SPOCK3: variants seen among roughly 807,000 people sequenced by gnomAD.
The protein encoded by SPOCK3 is SPARC (osteonectin), cwcv and kazal like domains proteoglycan 3.
Under a neutral mutation model 56.6 loss-of-function variants are expected in SPOCK3, and 30 were observed. That is an observed-to-expected ratio of 0.53 (90% CI 0.40 to 0.72). The LOEUF is 0.72. Among genes scored for constraint, SPOCK3 ranks in the 30% least tolerant of loss-of-function variants. The pLI is 0.00. For synonymous variants in SPOCK3, 196 were observed against 183.3 expected (o/e 1.07, Z -0.56); for missense variants, 527 against 530.0 (o/e 0.99, Z 0.06).
At chr4:167,107,215 G>A (rs1760242057) in intron 2 of SPOCK3, among the ~76,000 whole-genome samples, 1 of 151,784 alleles carries the variant, frequency 6.6e-6, no homozygotes, top group African/African-American at 2.4e-5. Flanking sequence ...AAAACTACAA[G>A]CCAATATTCC....
chr4:166,918,032 T>C (rs1267065432), intron 4 of SPOCK3, among the ~76,000 whole-genome samples: 1 of 152,204 alleles, frequency 6.6e-6, no homozygotes, highest in Non-Finnish European at 1.5e-5. Flanking sequence ...AATCATTTGC[T>C]TTTTAAAATT....
At chr4:166,957,754 G>A (rs578121065) in intron 4 of SPOCK3, among the ~76,000 whole-genome samples, 1 of 152,230 alleles carries the variant, frequency 6.6e-6, no homozygotes, top group South Asian at 2.1e-4. Flanking sequence ...ACTTGCATGG[G>A]GCCTACAGTC....
intron 2 of SPOCK3, among the ~76,000 whole-genome samples, chr4:167,116,413 G>GTA (rs201984574): frequency 1.4e-4 from 19 of 140,642 alleles, no homozygotes; most frequent in South Asian, 2.2e-4. Flanking sequence ...ATACACAAAA[G>GTA]TATATATATA....
chr4:167,217,298 G>T (rs1735455956), intron 2 of SPOCK3, among the ~76,000 whole-genome samples: 1 of 151,854 alleles, frequency 6.6e-6, no homozygotes, highest in South Asian at 2.1e-4. Context: ...ACCACAGGCT[G>T]AAAATACCGA....
At chr4:166,746,209 T>C (rs1316450538) in intron 8 of SPOCK3, among the ~76,000 whole-genome samples, 1 of 152,196 alleles carries the variant, frequency 6.6e-6, no homozygotes, top group Non-Finnish European at 1.5e-5. Context: ...ACATCACACT[T>C]ATTCCAAAAT....
intron 8 of SPOCK3, among the ~76,000 whole-genome samples, chr4:166,746,342 C>G (rs1184401082): frequency 6.6e-6 from 1 of 152,196 alleles, no homozygotes; most frequent in Non-Finnish European, 1.5e-5. Context: ...GAAACTCACT[C>G]AAAACCACTC....
intron 6 of SPOCK3, among the ~76,000 whole-genome samples, chr4:166,874,878 G>A (rs975461173): frequency 9.2e-5 from 14 of 152,262 alleles, no homozygotes; most frequent in Non-Finnish European, 1.8e-4. Context: ...ACCTAGTTAA[G>A]TAATTATGTC....
At chr4:166,960,064 C>G (rs1743978321) in intron 4 of SPOCK3, among the ~76,000 whole-genome samples, 1 of 152,066 alleles carries the variant, frequency 6.6e-6, no homozygotes, top group Non-Finnish European at 1.5e-5. Flanking sequence ...ATATTTTTAT[C>G]TTTCTGATTA....
At chr4:166,996,684 G>A (rs563374198) in intron 4 of SPOCK3, among the ~76,000 whole-genome samples, 2 of 152,122 alleles carry the variant, frequency 1.3e-5, no homozygotes, top group African/African-American at 2.4e-5. Context: ...CACCTGCTCT[G>A]AGACCAGTTC....
chr4:167,201,149 G>C (rs562732653), intron 2 of SPOCK3, among the ~76,000 whole-genome samples: 4 of 152,028 alleles, frequency 2.6e-5, no homozygotes, highest in Admixed American at 2.6e-4. Flanking sequence ...GAAAAGTCAA[G>C]AGAAGAAAAA....
intron 2 of SPOCK3, among the ~76,000 whole-genome samples, chr4:167,201,534 C>A (rs1323918522): frequency 6.6e-6 from 1 of 151,816 alleles, no homozygotes; most frequent in South Asian, 2.1e-4. Flanking sequence ...TAAATGCATG[C>A]CTGCTTTTGC....
chr4:167,177,172 C>T (rs568833458), intron 2 of SPOCK3, among the ~76,000 whole-genome samples: 70 of 152,032 alleles, frequency 4.6e-4, no homozygotes, highest in Non-Finnish European at 8.7e-4. Context: ...GTTATTGATC[C>T]GTGGCCTGAG....
At chr4:166,796,398 A>AG (rs1261008417) in intron 6 of SPOCK3, among the ~76,000 whole-genome samples, 4 of 152,184 alleles carry the variant, frequency 2.6e-5, no homozygotes, top group Non-Finnish European at 5.9e-5. Context: ...TCAGAGGCAG[A>AG]GTCCGCATTT....
intron 7 of SPOCK3, among the ~76,000 whole-genome samples, chr4:166,777,525 C>T (rs535422648): frequency 6.6e-6 from 1 of 152,094 alleles, no homozygotes; most frequent in African/African-American, 2.4e-5. Context: ...GCCATTAATC[C>T]CAGCGCTTTG....
chr4:166,962,142 G>A (rs1481556096), intron 4 of SPOCK3, among the ~76,000 whole-genome samples: 4 of 152,080 alleles, frequency 2.6e-5, no homozygotes, highest in Admixed American at 1.3e-4. Flanking sequence ...TGATTACTAT[G>A]AGCCTACTCC....
Position 166,734,577 on chromosome 4 carries a change from A to G in SPOCK3, c.*344T>C, listed in dbSNP as rs986093553. The stretch of plus-strand genomic sequence containing the variant: ...TTCACTTAGAATTATCTTTCAGAAA[A>G]TTAACATGTACGATCCCAAGCACTA... On this transcript the variant is annotated 3_prime_UTR_variant, in exon 11 of 11. Coordinates refer to ENST00000357545, the MANE Select transcript of SPOCK3 (RefSeq NM_001040159.2). The G allele has an allele frequency of 5.7e-6, 1 of 175,598 alleles. No individual in the cohort carries two copies. 10.9% of individuals were successfully genotyped at this position (175,598 alleles called of 1,614,324 possible).
At chr4:166,868,376 C>T (rs1010910560) in intron 6 of SPOCK3, among the ~76,000 whole-genome samples, 5 of 151,542 alleles carry the variant, frequency 3.3e-5, no homozygotes, top group South Asian at 2.1e-4. Context: ...GGGAGGATTG[C>T]GTAGGCCCAG....
intron 4 of SPOCK3, among the ~76,000 whole-genome samples, chr4:166,965,198 TA>T (rs1342887860): frequency 6.6e-6 from 1 of 151,976 alleles, no homozygotes; most frequent in Non-Finnish European, 1.5e-5. Flanking sequence ...TTAGAGTCAA[TA>T]TTTTACCAAT....
At chr4:166,887,021 T>G (rs959512642) in intron 6 of SPOCK3, among the ~76,000 whole-genome samples, 10 of 152,144 alleles carry the variant, frequency 6.6e-5, no homozygotes, top group African/African-American at 2.4e-4. Flanking sequence ...TACGCACAAT[T>G]GAACACAAAT....
Sources: gnomAD v4.1 joint callset for allele counts (sites outside exome capture counted in the v4.1 genomes callset) on GRCh38, gnomAD v4.1.1 for gene constraint, MANE v1.5 for transcripts, NCBI Gene and HGNC (gene_info 2026-07-23, HGNC 2026-07-21) for gene names.